Variants in PAPLN observed in about 807,000 individuals in gnomAD.
The protein encoded by PAPLN is papilin, proteoglycan like sulfated glycoprotein.
In PAPLN, 146 loss-of-function variants were observed where a neutral mutation model predicts 159.0. The ratio of observed to expected loss-of-function variants is 0.92; its 90% CI spans 0.80 to 1.05. The LOEUF (loss-of-function observed/expected upper bound fraction) is 1.05, where lower values mean the gene tolerates loss of function less well. Ranked by LOEUF, PAPLN falls within the 50% of genes least tolerant of loss-of-function variation. PAPLN has a pLI of 0.00. For missense variants in PAPLN, 1,720 were observed against 1,743.9 expected (o/e 0.99, Z 0.24); for synonymous variants, 734 against 702.9 (o/e 1.04, Z -0.70).
At chr14:73,246,213 GT>G in intron 5 of PAPLN, 38 bp downstream of exon 5, 1 of 1,500,132 alleles carries the variant, frequency 6.7e-7, no homozygotes, top group South Asian at 1.2e-5. Flanking sequence ...GGGGCCTCTT[GT>G]ATACCTACGT....
At position 73,262,472 on chromosome 14, in the gene PAPLN, AAT is replaced by A; in HGVS notation, c.2369_2370del (p.Asn790SerfsTer3). 6.2e-7 allele frequency: 1 copy of A among 1,608,978 alleles called. No homozygotes were observed. The highest frequency in any genetic ancestry group is 8.5e-7 in the Non-Finnish European group (1 of 1,177,592). On this transcript the variant is annotated frameshift_variant, in exon 19 of 27. Coordinates refer to ENST00000644200, the MANE Select transcript of PAPLN (RefSeq NM_001365906.3). LOFTEE classifies it high-confidence loss of function. ...NRFWYGGCHG[N>X]ANNFASEQEC... ...CTTCTGGTATGGCGGCTGCCATGGC[AAT>A]GCCAATAACTTTGCCTCGGAGCAAG...
Position 73,252,927 on chromosome 14 carries a change from C to T in PAPLN, c.1094+152C>T, listed in dbSNP as rs570935999. 3.7e-6 allele frequency: 5 copies of T among 1,357,412 alleles called. No individual in the cohort carries two copies. The South Asian group carries it at 6.9e-5, about 19-fold the overall frequency. 84.1% of individuals were successfully genotyped at this position (1,357,412 alleles called of 1,614,324 possible). ...CTGGGGTGTGGGAGAGGTGGCAGCT[C>T]TTCCTGGGGGAGGCAGAGAATAGGC... On this transcript the variant is annotated intron_variant, in intron 11 of 26. Transcript: ENST00000644200.
At position 73,245,017 on chromosome 14, in the gene PAPLN, A is replaced by G. The variant is rs1166619500; in HGVS notation, c.170+258A>G. ...AGCTCCTGATGCTGCACCGGCCTGC[A>G]GTATGGCAGGTGCAGTCAATTTTGC... On this transcript the variant is annotated intron_variant, in intron 3 of 26. Transcript: ENST00000644200. The surrounding 1 kb of genome is among the most constrained non-coding windows in gnomAD (Gnocchi z 4.2). The G allele has an allele frequency of 5.3e-6, 2 of 373,962 alleles. No individual in the cohort carries two copies. The highest frequency in any genetic ancestry group is 9.7e-6 in the Non-Finnish European group (2 of 205,962). 23.2% of individuals were successfully genotyped at this position (373,962 alleles called of 1,614,324 possible).
chr14:73,239,858 C>T (rs1883344116), intron 2 of PAPLN, 26 bp downstream of exon 2: 6 of 1,562,988 alleles, frequency 3.8e-6, no homozygotes, highest in Non-Finnish European at 5.2e-6. Context: ...CCCCGGCCCC[C>T]GGAGGAACCT....
rs752338823 is a variant in PAPLN, at chr14:73,251,557, A to T, written c.661A>T (p.Asn221Tyr). The T allele has an allele frequency of 4.3e-6, 7 of 1,612,760 alleles. No individual in the cohort carries two copies. Among genetic ancestry groups the T allele is most frequent in the Middle Eastern group, 1.6e-4 (1 of 6,084 alleles). ...CATCGACGAGGCTGCTGCCAGCAGG[A>T]ACTTCCTGGGTGAGAGCCTAGGGTT... Reference protein sequence around the residue: ...ILIDEAAASRNFLAVKNVRGE... With the variant: ...ILIDEAAASRYFLAVKNVRGE... Residue 221 changes from asparagine to tyrosine, a missense_variant, in exon 8 of 27, where the codon AAC (asparagine) becomes TAC (tyrosine). Asn to Tyr is a moderately radical substitution (Grantham distance 143). Coordinates refer to ENST00000644200, the MANE Select transcript of PAPLN (RefSeq NM_001365906.3).
Position 73,262,800 on chromosome 14 carries a change from C to T in PAPLN, c.2696C>T (p.Ala899Val), listed in dbSNP as rs372846002. The T allele has an allele frequency of 2.3e-4, 351 of 1,494,290 alleles. No individual in the cohort carries two copies. Among genetic ancestry groups the T allele is most frequent in the Non-Finnish European group, 2.8e-4 (320 of 1,126,620 alleles). The allele number at this position is 1,494,290 out of a possible 1,614,324, so 92.6% of individuals were successfully genotyped here. The part of the protein sequence containing the change: ...PGLGGDAGSP[A>V]PPFHSSSYRI... ...CTGGGTGGAGATGCCGGATCACCAG[C>T]GCCACCCTTCCACAGCTCCTCCTAC... The change falls in exon 19 of 27, where the codon GCG becomes GTG. Residue 899 changes from alanine to valine, a missense_variant. Coordinates refer to ENST00000644200, the MANE Select transcript of PAPLN (RefSeq NM_001365906.3).
At chr14:73,248,406 A>G (rs886777559) in intron 5 of PAPLN, among the ~76,000 whole-genome samples, 2 of 152,126 alleles carry the variant, frequency 1.3e-5, no homozygotes, top group African/African-American at 2.4e-5. Flanking sequence ...AACACAGGGG[A>G]AAGTCTAAAA....
At chr14:73,252,812 C>T (rs1219326152) in intron 11 of PAPLN, 37 bp downstream of exon 11, 1 of 1,610,550 alleles carries the variant, frequency 6.2e-7, no homozygotes, top group African/African-American at 1.3e-5. Flanking sequence ...ATGATGAGGC[C>T]CAAGAACTTG....
chr14:73,236,134 C>T (rs1053346328), upstream of PAPLN, among the ~76,000 whole-genome samples: 4 of 152,036 alleles, frequency 2.6e-5, no homozygotes, highest in African/African-American at 7.2e-5. Flanking sequence ...TGTCCAGGAC[C>T]AGTTTCTAAA....
At chr14:73,236,860 AAAG>A (rs1225142983), upstream of PAPLN, among the ~76,000 whole-genome samples, 1 of 142,526 alleles carries the variant, frequency 7.0e-6, no homozygotes, top group Non-Finnish European at 1.5e-5. Context: ...GAAAGAAAGA[AAAG>A]AAAGAGGAAG....
chr14:73,265,338 G>C lies in PAPLN; in HGVS notation c.3126-32G>C. 1.3e-6 allele frequency: 2 copies of C among 1,598,790 alleles called. No homozygotes were observed. The highest frequency in any genetic ancestry group is 2.2e-5 in the South Asian group (2 of 90,636). On this transcript the variant is annotated intron_variant, in intron 22 of 26. Transcript: ENST00000644200. This position sits in a 1 kb window ranked among gnomAD's most constrained non-coding sequence, Gnocchi z 4.1. ...GGAGTAGGCGGGGGCAACGGCAAGG[G>C]CCCCTCATGCTGTGGGCTGCTTGTT...
rs924054312 is a variant in PAPLN, at chr14:73,268,570, G to T, written c.3514G>T (p.Val1172Leu). The T allele has an allele frequency of 2.5e-6, 4 of 1,612,782 alleles. No individual in the cohort carries two copies. Among genetic ancestry groups the T allele is most frequent in the Middle Eastern group, 3.3e-4 (2 of 6,076 alleles). ...NIRWSRNGLP[V>L]QADGHRVHQS... Reference sequence around the variant, plus strand: ...TCTCTCCTCCAGGAACGGGCTACCTGTGCAGGCTGATGGCCACCGTGTCCA... The same window carrying T: ...TCTCTCCTCCAGGAACGGGCTACCTTTGCAGGCTGATGGCCACCGTGTCCA... Residue 1172 changes from valine to leucine, a missense_variant, in exon 26 of 27, where the codon GTG becomes TTG. Transcript: ENST00000644200.
intron 2 of PAPLN, among the ~76,000 whole-genome samples, chr14:73,240,514 C>T (rs61986929): frequency 0.057 from 8,622 of 152,194 alleles, 334 homozygotes; most frequent in Non-Finnish European, 0.089. Context: ...ATGATTTCGG[C>T]TCACTGTAAC....
rs1310202171 is a variant in PAPLN, at chr14:73,265,784, C to T, written c.3263+277C>T. 6.6e-6 allele frequency among the ~76,000 whole-genome samples: 1 copy of T among 152,180 alleles called. No homozygotes were observed. Among genetic ancestry groups the T allele is most frequent in the Non-Finnish European group, 1.5e-5 (1 of 68,030 alleles). ...AAGAAAATGGAGTCAGAACACATTCCCAGCTATAACCATAATGGCTACCCT... is the reference window on the plus strand; with the variant it reads ...AAGAAAATGGAGTCAGAACACATTCTCAGCTATAACCATAATGGCTACCCT... On this transcript the variant is annotated intron_variant, in intron 23 of 26. Transcript: ENST00000644200. The surrounding 1 kb of genome is among the most constrained non-coding windows in gnomAD (Gnocchi z 4.1).
Position 73,266,847 on chromosome 14 carries a change from C to T in PAPLN, c.3500+16C>T, listed in dbSNP as rs1311501856. On this transcript the variant is annotated intron_variant, in intron 25 of 26. Coordinates refer to ENST00000644200, the MANE Select transcript of PAPLN (RefSeq NM_001365906.3). ...GGTGGTCCAGGTAAAGGCTCTATTCCAAGTTGTCCCTGTCCCCAGACCTTC... is the reference window on the plus strand; with the variant it reads ...GGTGGTCCAGGTAAAGGCTCTATTCTAAGTTGTCCCTGTCCCCAGACCTTC... The T allele has an allele frequency of 3.8e-6, 6 of 1,595,264 alleles. No individual in the cohort carries two copies. The highest frequency in any genetic ancestry group is 4.3e-6 in the Non-Finnish European group (5 of 1,170,390).
intron 5 of PAPLN, among the ~76,000 whole-genome samples, chr14:73,249,554 G>A (rs865884028): frequency 2.0e-5 from 3 of 151,872 alleles, no homozygotes; most frequent in Admixed American, 6.6e-5. Flanking sequence ...CGTGCCTGTA[G>A]TCCCGGCTAC....
intron 10 of PAPLN, 104 bp downstream of exon 10, chr14:73,252,245 G>A: frequency 9.9e-6 from 14 of 1,420,878 alleles, no homozygotes; most frequent in Non-Finnish European, 1.1e-5. Context: ...GTCCCTCCTG[G>A]GGAGATGGAC....
Position 73,259,364 on chromosome 14 carries a change from CACCT to C in PAPLN, c.1805_1808del (p.His602ArgfsTer199). The C allele has an allele frequency of 6.2e-7, 1 of 1,612,338 alleles. No homozygotes were observed. Among genetic ancestry groups the C allele is most frequent in the Non-Finnish European group, 8.5e-7 (1 of 1,179,196 alleles). On this transcript the variant is annotated frameshift_variant, in exon 16 of 27. Coordinates refer to ENST00000644200, the MANE Select transcript of PAPLN (RefSeq NM_001365906.3). LOFTEE classifies it high-confidence loss of function. ...TGACCCCAGGGGCGACCAAGGCACC[CACCT>C]GTCAGCCCTGGGCCCCGCTCCCTCT...
chr14:73,254,073 G>A, intron 12 of PAPLN, 112 bp downstream of exon 12: 1 of 1,222,420 alleles, frequency 8.2e-7, no homozygotes, highest in Non-Finnish European at 1.1e-6. Context: ...AAAATAACCG[G>A]TCAGGTCATC....
Sources: gnomAD v4.1 joint callset for allele counts (sites outside exome capture counted in the v4.1 genomes callset) on GRCh38, gnomAD v4.1.1 for gene constraint, Gnocchi (gnomAD v3.1) non-coding constraint, MANE v1.5 for transcripts, NCBI Gene and HGNC (gene_info 2026-07-23, HGNC 2026-07-21) for gene names.